Variants in GPR137B observed in about 807,000 individuals in gnomAD.
GPR137B encodes integral membrane protein GPR137B.
In GPR137B, 42 loss-of-function variants were observed where a neutral mutation model predicts 42.5. That is an observed-to-expected ratio of 0.99 (90% CI 0.77 to 1.28). The LOEUF is 1.28. Among genes scored for constraint, GPR137B ranks in the 50% most tolerant of loss-of-function variants. The probability of loss-of-function intolerance (pLI) is 0.00; values close to 1 mark genes in which losing one functional copy is unlikely to be tolerated. For missense variants in GPR137B, 487 were observed against 493.9 expected (o/e 0.99, Z 0.13); for synonymous variants, 218 against 209.7 (o/e 1.04, Z -0.34).
intron 1 of GPR137B, among the ~76,000 whole-genome samples, chr1:236,144,410 A>G (rs1661625570): frequency 9.7e-6 from 1 of 103,078 alleles, no homozygotes; most frequent in Non-Finnish European, 1.9e-5. Context: ...ATCCTGTCTC[A>G]AAAAAACAAA....
rs953768054 is a variant in GPR137B at position 236,156,171 on chromosome 1, T to A, written c.415-12535T>A. Among the ~76,000 whole-genome samples, 27 of 152,150 alleles carry A rather than the reference T, an allele frequency of 1.8e-4. No individual in the cohort carries two copies. Among genetic ancestry groups the A allele is most frequent in the African/African-American group, 5.5e-4 (23 of 41,442 alleles). The stretch of plus-strand genomic sequence containing the variant: ...TCTGATCACGTGGGAAGAAGCTCAC[T>A]GAAGTCTGGGGGGCCCACATTCCAA... On this transcript the variant is annotated intron_variant, in intron 1 of 6. Transcript: ENST00000366592. This position sits in a 1 kb window ranked among gnomAD's most constrained non-coding sequence, Gnocchi z 4.8.
intron 5 of GPR137B, among the ~76,000 whole-genome samples, chr1:236,191,058 C>T (rs1395503820): frequency 6.6e-6 from 1 of 152,046 alleles, no homozygotes; most frequent in East Asian, 1.9e-4. Flanking sequence ...TCTTTTTTCT[C>T]TAATCTTGTC....
At chr1:236,189,913 T>C (rs139185805) in intron 5 of GPR137B, among the ~76,000 whole-genome samples, 1,938 of 152,292 alleles carry the variant, frequency 0.013, 23 homozygotes, top group Non-Finnish European at 0.02. Context: ...GACAGTGGGT[T>C]GTTAAAGTCT....
In GPR137B at chr1:236,150,753, G is replaced by A. The variant is rs1483475908; in HGVS notation, c.414+7717G>A. ...CGGCTTCTTGCTCACCTGCCTTTCCGTAGTCAGACAGGCAGAACTGGTAGT... is the reference window on the plus strand; with the variant it reads ...CGGCTTCTTGCTCACCTGCCTTTCCATAGTCAGACAGGCAGAACTGGTAGT... On this transcript the variant is annotated intron_variant, in intron 1 of 6. Coordinates refer to ENST00000366592, the MANE Select transcript of GPR137B (RefSeq NM_003272.4). This position sits in a 1 kb window ranked among gnomAD's most constrained non-coding sequence, Gnocchi z 6.2. Among the ~76,000 whole-genome samples, 1 of 152,112 alleles carries A rather than the reference G, an allele frequency of 6.6e-6. No individual in the cohort carries two copies. The highest frequency in any genetic ancestry group is 2.4e-5 in the African/African-American group (1 of 41,410).
chr1:236,152,336 C>T (rs1661890610), intron 1 of GPR137B, among the ~76,000 whole-genome samples: 1 of 152,010 alleles, frequency 6.6e-6, no homozygotes, highest in Non-Finnish European at 1.5e-5. Context: ...GTGGCATGCA[C>T]CTGTAATCCC....
chr1:236,152,635 T>C (rs1200211346), intron 1 of GPR137B, among the ~76,000 whole-genome samples: 1 of 151,896 alleles, frequency 6.6e-6, no homozygotes, highest in East Asian at 1.9e-4. Context: ...GCGCCTGTAA[T>C]CCCAGCCATT....
chr1:236,149,794 A>T (rs1661791641), intron 1 of GPR137B, among the ~76,000 whole-genome samples: 1 of 152,218 alleles, frequency 6.6e-6, no homozygotes, highest in Admixed American at 6.5e-5. Flanking sequence ...CTCCCTGCGG[A>T]GCTAGCTCAG....
rs1380197894 is a variant in GPR137B at position 236,168,773 on chromosome 1, T to G, written c.464+18T>G. ...AAATACCGGTAAGTACTGCAGGGCA[T>G]CTCTTTCTGTGGTAGAAGGGGAAAG... On this transcript the variant is annotated intron_variant, in intron 2 of 6. Coordinates refer to ENST00000366592, the MANE Select transcript of GPR137B (RefSeq NM_003272.4). 6.4e-7 allele frequency: 1 copy of G among 1,555,184 alleles called. No individual in the cohort carries two copies. The highest frequency in any genetic ancestry group is 2.2e-5 in the East Asian group (1 of 44,568).
chr1:236,151,836 C>T (rs1411162590), intron 1 of GPR137B, among the ~76,000 whole-genome samples: 1 of 152,160 alleles, frequency 6.6e-6, no homozygotes, highest in Non-Finnish European at 1.5e-5. Flanking sequence ...GGGCTGCTCC[C>T]ACCCCATAGG....
At chr1:236,178,733 T>C in intron 3 of GPR137B, 97 bp downstream of exon 3, 1 of 746,558 alleles carries the variant, frequency 1.3e-6, no homozygotes, top group Non-Finnish European at 2.3e-6. Context: ...TTAGACTTGA[T>C]TTTGCCTTGA....
chr1:236,145,786 G>A (rs1002385199), intron 1 of GPR137B, among the ~76,000 whole-genome samples: 1 of 152,240 alleles, frequency 6.6e-6, no homozygotes, highest in Non-Finnish European at 1.5e-5. Flanking sequence ...CTTGCTCAAG[G>A]TCACACTGTC....
rs781426123 is a variant in GPR137B, at chr1:236,179,865, T to A, written c.688-14T>A. The A allele has an allele frequency of 1.9e-6, 3 of 1,560,628 alleles. No homozygotes were observed. The highest frequency in any genetic ancestry group is 1.7e-6 in the Non-Finnish European group (2 of 1,154,230). On this transcript the variant is annotated splice_polypyrimidine_tract_variant and intron_variant, in intron 3 of 6. Coordinates refer to ENST00000366592, the MANE Select transcript of GPR137B (RefSeq NM_003272.4). ...ACCTGGAGTGTCCCATACCTTCTGC[T>A]CCCTCTTTTCCAGGGCTCCTCCGTG...
chr1:236,173,872 A>G (rs1314919493), intron 2 of GPR137B, among the ~76,000 whole-genome samples: 1 of 152,104 alleles, frequency 6.6e-6, no homozygotes, highest in Non-Finnish European at 1.5e-5. Flanking sequence ...GCATAGAGGG[A>G]AAAAAACTTG....
At chr1:236,175,989 C>T (rs1040015737) in intron 2 of GPR137B, among the ~76,000 whole-genome samples, 21 of 152,080 alleles carry the variant, frequency 1.4e-4, no homozygotes, top group Admixed American at 1.4e-3. Flanking sequence ...TGATCCCGAC[C>T]GTGGAAACAT....
At chr1:236,177,650 G>A (rs574461877) in intron 2 of GPR137B, among the ~76,000 whole-genome samples, 5 of 151,896 alleles carry the variant, frequency 3.3e-5, no homozygotes, top group East Asian at 3.9e-4. Flanking sequence ...TCCACCTCCC[G>A]GTTCAAGTGA....
At chr1:236,159,307 G>A (rs767610819) in intron 1 of GPR137B, among the ~76,000 whole-genome samples, 4 of 151,852 alleles carry the variant, frequency 2.6e-5, no homozygotes, top group Admixed American at 6.6e-5. Context: ...GCAAGACCCC[G>A]CCTCTTAAAA....
intron 2 of GPR137B, 68 bp from the exon 3 acceptor site, chr1:236,178,346 A>T: frequency 2.2e-6 from 2 of 923,690 alleles, no homozygotes; most frequent in South Asian, 2.7e-5. Context: ...GTTCACCAAA[A>T]CACATCTCAG....
chr1:236,203,994 T>C (rs1057346198), intron 5 of GPR137B, among the ~76,000 whole-genome samples: 1 of 152,236 alleles, frequency 6.6e-6, no homozygotes, highest in Non-Finnish European at 1.5e-5. Context: ...GTGTTCCACA[T>C]CTTAGAGGAA....
chr1:236,198,451 C>G (rs1031909572), intron 5 of GPR137B, among the ~76,000 whole-genome samples: 1 of 152,118 alleles, frequency 6.6e-6, no homozygotes, highest in African/African-American at 2.4e-5. Context: ...AGTGATCTAC[C>G]TGCCTGGCCT....
Sources: gnomAD v4.1 joint callset for allele counts (sites outside exome capture counted in the v4.1 genomes callset) on GRCh38, gnomAD v4.1.1 for gene constraint, Gnocchi (gnomAD v3.1) non-coding constraint, MANE v1.5 for transcripts, NCBI Gene and HGNC (gene_info 2026-07-23, HGNC 2026-07-21) for gene names.